MAP4K4: variants seen among roughly 807,000 people sequenced by gnomAD.
MAP4K4 encodes the protein mitogen-activated protein kinase kinase kinase kinase 4.
Under a neutral mutation model 189.6 loss-of-function variants are expected in MAP4K4, and 38 were observed. That is an observed-to-expected ratio of 0.20 (90% CI 0.15 to 0.26). MAP4K4 has a LOEUF of 0.26. Ranked by LOEUF, MAP4K4 falls within the 10% of genes least tolerant of loss-of-function variation. The probability of loss-of-function intolerance (pLI) is 1.00; values close to 1 mark genes in which losing one functional copy is unlikely to be tolerated. For missense variants in MAP4K4, 1,054 were observed against 1,726.9 expected, an observed-to-expected ratio of 0.61 and a Z score of 6.91; for synonymous variants, 610 against 624.3, an observed-to-expected ratio of 0.98 and a Z score of 0.34.
At chr2:101,878,989 A>G (rs2098294608) in intron 27 of MAP4K4, among the ~76,000 whole-genome samples, 1 of 152,094 alleles carries the variant, frequency 6.6e-6, no homozygotes, top group African/African-American at 2.4e-5. Flanking sequence ...GGAGAAAACA[A>G]ATCTGCATTT....
At chr2:101,882,847 A>G (rs2098421281) in intron 28 of MAP4K4, among the ~76,000 whole-genome samples, 162 bp downstream of exon 28, 6 of 152,078 alleles carry the variant, frequency 3.9e-5, no homozygotes, top group Admixed American at 3.9e-4. Context: ...GGCACATTCT[A>G]ATCTTGAAGT....
chr2:101,815,191 AT>A (rs939566263), intron 3 of MAP4K4, among the ~76,000 whole-genome samples: 20 of 151,400 alleles, frequency 1.3e-4, no homozygotes, highest in South Asian at 6.3e-4. Context: ...GCGTGACTTA[AT>A]TTTTTTTTTA....
chr2:101,777,288 C>T (rs546914204), intron 2 of MAP4K4, among the ~76,000 whole-genome samples: 1 of 152,332 alleles, frequency 6.6e-6, no homozygotes, highest in East Asian at 1.9e-4. Context: ...GAGTCCTGCT[C>T]TGTGCAGTGC....
At chr2:101,864,322 T>C (rs1050963293) in intron 17 of MAP4K4, among the ~76,000 whole-genome samples, 1 of 152,208 alleles carries the variant, frequency 6.6e-6, no homozygotes, top group African/African-American at 2.4e-5. Flanking sequence ...CTTAAACAAA[T>C]TCATAATCTA....
At chr2:101,837,326 C>T (rs895139975) in intron 9 of MAP4K4, among the ~76,000 whole-genome samples, 2 of 152,008 alleles carry the variant, frequency 1.3e-5, no homozygotes, top group African/African-American at 4.8e-5. Context: ...CACCCATCTT[C>T]ATACCAGTTT....
intron 27 of MAP4K4, among the ~76,000 whole-genome samples, chr2:101,881,130 GTTC>G (rs1156969361): frequency 3.3e-5 from 5 of 152,216 alleles, no homozygotes; most frequent in African/African-American, 9.6e-5. Context: ...CATTTATTTA[GTTC>G]TTCTTTGATT....
chr2:101,772,356 T>A (rs2081904238), intron 2 of MAP4K4, among the ~76,000 whole-genome samples: 1 of 152,250 alleles, frequency 6.6e-6, no homozygotes, highest in South Asian at 2.1e-4. Flanking sequence ...ACAAAATTTC[T>A]TTAAACTTGG....
chr2:101,874,164 T>G, exon 26 of MAP4K4: 1 of 1,613,932 alleles, frequency 6.2e-7, no homozygotes, highest in Non-Finnish European at 8.5e-7. Flanking sequence ...ATGTGAATCC[T>G]ACCAACACTA....
rs1449448451 is a variant in MAP4K4 at position 101,728,098 on chromosome 2, CTT to C, written c.123+29562_123+29563del. Among the ~76,000 whole-genome samples, 4 of 152,342 alleles carry C rather than the reference CTT, an allele frequency of 2.6e-5. No homozygotes were observed. In the South Asian group the frequency reaches 8.3e-4, roughly 32 times the overall value. ...AACTGAGGAAACACCCAGGTTACCT[CTT>C]TAAGTACAGGCTAAGTAAGTAATCT... On this transcript the variant is annotated intron_variant, in intron 2 of 32. Transcript: ENST00000324219.
intron 3 of MAP4K4, among the ~76,000 whole-genome samples, chr2:101,815,817 AG>A (rs1466282279): frequency 1.3e-5 from 2 of 152,150 alleles, no homozygotes; most frequent in African/African-American, 4.8e-5. Context: ...CAACGGCAGG[AG>A]GCACTGCTTC....
intron 2 of MAP4K4, among the ~76,000 whole-genome samples, chr2:101,710,160 T>C (rs2044607795): frequency 6.6e-6 from 1 of 152,226 alleles, no homozygotes. Context: ...AATAATTTGT[T>C]GGAGATCCCG....
At chr2:101,886,393 C>T (rs1374112548) in intron 29 of MAP4K4, among the ~76,000 whole-genome samples, 1 of 59,314 alleles carries the variant, frequency 1.7e-5, no homozygotes, top group African/African-American at 1.3e-4. Context: ...CCTTATGCTA[C>T]TAGTATGATA....
chr2:101,818,645 C>T (rs886793156), intron 3 of MAP4K4, among the ~76,000 whole-genome samples: 2 of 152,172 alleles, frequency 1.3e-5, no homozygotes, highest in Non-Finnish European at 2.9e-5. Flanking sequence ...CCTGTGTGCT[C>T]AGATGGTGGA....
intron 21 of MAP4K4, among the ~76,000 whole-genome samples, chr2:101,868,838 GA>G (rs907343884): frequency 4.0e-5 from 6 of 151,848 alleles, no homozygotes; most frequent in Non-Finnish European, 5.9e-5. Context: ...ATGTAGGTTT[GA>G]AGTTTTTTTT....
At chr2:101,816,499 C>T (rs1340221637) in intron 3 of MAP4K4, among the ~76,000 whole-genome samples, 2 of 152,112 alleles carry the variant, frequency 1.3e-5, no homozygotes, top group Admixed American at 6.5e-5. Context: ...TATTCTTTCT[C>T]CCCTTGTGTT....
intron 2 of MAP4K4, among the ~76,000 whole-genome samples, chr2:101,766,183 G>A (rs1175240230): frequency 6.6e-6 from 1 of 152,142 alleles, no homozygotes; most frequent in African/African-American, 2.4e-5. Flanking sequence ...CACTATGTAT[G>A]CACGCACATA....
At chr2:101,863,864 C>T in exon 17 of MAP4K4, 2 of 1,367,722 alleles carry the variant, frequency 1.5e-6, no homozygotes, top group Non-Finnish European at 9.8e-7. Flanking sequence ...AATGTTTCCC[C>T]TGTCTCGCGA....
chr2:101,794,366 A>G (rs977062189), intron 3 of MAP4K4, among the ~76,000 whole-genome samples: 4 of 152,212 alleles, frequency 2.6e-5, no homozygotes, highest in African/African-American at 7.2e-5. Flanking sequence ...TGATTGCTCA[A>G]CTTGGAGTTC....
In MAP4K4 at chr2:101,888,724, A is replaced by G. The variant is rs1170774378; in HGVS notation, c.3932-72A>G. On this transcript the variant is annotated intron_variant, in intron 31 of 32. Transcript: ENST00000324219. The stretch of plus-strand genomic sequence containing the variant: ...TTTAGAAGTATAAAAATATATTTTT[A>G]TTAAGTAAGCAACATCTTTTCAGGG... The G allele has an allele frequency of 1.7e-5, 19 of 1,098,032 alleles. No homozygotes were observed. In the Admixed American group the frequency reaches 6.0e-4, roughly 34 times the overall value. The allele number at this position is 1,098,032 out of a possible 1,614,324, so 68.0% of individuals were successfully genotyped here.
Sources: gnomAD v4.1 joint callset for allele counts (sites outside exome capture counted in the v4.1 genomes callset) on GRCh38, gnomAD v4.1.1 for gene constraint, MANE v1.5 for transcripts, NCBI Gene and HGNC (gene_info 2026-07-23, HGNC 2026-07-21) for gene names.